CALB2: variants seen among roughly 807,000 people sequenced by gnomAD.
CALB2 encodes the protein calretinin.
In CALB2, 34 loss-of-function variants were observed where a neutral mutation model predicts 45.9. That is an observed-to-expected ratio of 0.74 (90% confidence interval 0.56 to 0.99). The LOEUF (loss-of-function observed/expected upper bound fraction) is 0.99, where lower values mean the gene tolerates loss of function less well. Ranked by LOEUF, CALB2 falls within the 50% of genes least tolerant of loss-of-function variation. CALB2 has a pLI of 0.00. For missense variants in CALB2, 344 were observed against 339.3 expected (o/e 1.01, Z -0.11); for synonymous variants, 142 against 129.6 (o/e 1.10, Z -0.65).
chr16:71,387,621 T>G (rs768574974), intron 10 of CALB2, among the ~76,000 whole-genome samples: 1 of 152,192 alleles, frequency 6.6e-6, no homozygotes, highest in Admixed American at 6.5e-5. Context: ...CCCAAGGCCA[T>G]GGCAACTCAC....
rs1309099542 is a variant in CALB2 at position 71,389,836 on chromosome 16, A to T, written c.787A>T (p.Ile263Phe). Reference protein sequence around the residue: ...AGKLYRKDLEIVLCSEPPM With the variant: ...AGKLYRKDLEFVLCSEPPM ...GAAGCTCTACCGCAAGGACCTGGAG[A>T]TTGTGCTCTGCAGCGAGCCCCCCAT... is the stretch of plus-strand genomic sequence containing the variant. Residue 263 changes from isoleucine (I) to phenylalanine (F), a missense_variant, in exon 11 of 11, where the codon ATT becomes TTT. Physicochemically the swap from Ile to Phe is conservative, Grantham distance 21. Coordinates refer to ENST00000302628, the MANE Select transcript of CALB2 (RefSeq NM_001740.5). 2 of 1,613,756 alleles carry T rather than the reference A, an allele frequency of 1.2e-6. No individual in the cohort carries two copies. The highest frequency in any genetic ancestry group is 4.5e-5 in the East Asian group (2 of 44,850).
intron 10 of CALB2, among the ~76,000 whole-genome samples, chr16:71,386,346 C>CA (rs1026065709): frequency 1.4e-4 from 21 of 152,100 alleles, no homozygotes; most frequent in African/African-American, 3.6e-4. Flanking sequence ...AATTGCCAAC[C>CA]AAAAAAACAC....
At chr16:71,361,168 C>T (rs1222259338) in intron 1 of CALB2, among the ~76,000 whole-genome samples, 1 of 152,198 alleles carries the variant, frequency 6.6e-6, no homozygotes, top group Non-Finnish European at 1.5e-5. Flanking sequence ...CCTTGTCCAT[C>T]AGACTTCCAC....
chr16:71,386,293 G>C (rs544024095), intron 10 of CALB2, among the ~76,000 whole-genome samples: 4 of 152,202 alleles, frequency 2.6e-5, no homozygotes, highest in Admixed American at 6.5e-5. Context: ...GGGGGATGCT[G>C]CTGTGAGGCC....
chr16:71,386,836 T>C (rs1044301631), intron 10 of CALB2, among the ~76,000 whole-genome samples: 4 of 152,236 alleles, frequency 2.6e-5, no homozygotes, highest in Non-Finnish European at 4.4e-5. Context: ...TCTGATCTCT[T>C]TATCTTAAAT....
At chr16:71,384,495 ACACACAAAACACAC>A in intron 8 of CALB2, 117 bp downstream of exon 8, 1 of 821,114 alleles carries the variant, frequency 1.2e-6, no homozygotes, top group Non-Finnish European at 2.1e-6. Context: ...CACACCACAC[ACACACAAAACACAC>A]CACACACACA....
At chr16:71,367,569 G>T (rs1369942411) in intron 1 of CALB2, among the ~76,000 whole-genome samples, 7 of 152,104 alleles carry the variant, frequency 4.6e-5, no homozygotes, top group Admixed American at 6.5e-5. Flanking sequence ...TCTGGGCCCT[G>T]CAGCGCCACC....
chr16:71,359,734 G>A (rs1043899935), intron 1 of CALB2, among the ~76,000 whole-genome samples: 3 of 152,182 alleles, frequency 2.0e-5, no homozygotes, highest in Admixed American at 2.0e-4. Flanking sequence ...CATAAAGGGT[G>A]GTCCTCCTTT....
intron 9 of CALB2, among the ~76,000 whole-genome samples, chr16:71,385,058 T>C (rs990917606): frequency 5.3e-5 from 8 of 152,064 alleles, no homozygotes; most frequent in African/African-American, 1.9e-4. Context: ...CCGAGAATCG[T>C]TGGGGGAGGA....
At chr16:71,383,908 A>C (rs1817666367) in intron 6 of CALB2, 62 bp from the exon 7 acceptor site, 1 of 1,574,312 alleles carries the variant, frequency 6.4e-7, no homozygotes, top group African/African-American at 1.4e-5. Context: ...CTCCAGTAAA[A>C]GGGGATGTCA....
rs2042621707 is a variant in CALB2 at position 71,390,192 on chromosome 16, G to A, written c.*327G>A. The stretch of plus-strand genomic sequence containing the variant: ...GATTTAGGCTTCTATGTCCAACAGA[G>A]TGGACTCTTCCCTCTCGCTCCCCTC... On this transcript the variant is annotated 3_prime_UTR_variant, in exon 11 of 11. Coordinates refer to ENST00000302628, the MANE Select transcript of CALB2 (RefSeq NM_001740.5). 1.3e-5 allele frequency: 3 copies of A among 232,630 alleles called. No individual in the cohort carries two copies. The East Asian group carries it at 2.6e-4, about 20-fold the overall frequency. 14.4% of individuals were successfully genotyped at this position (232,630 alleles called of 1,614,324 possible).
intron 1 of CALB2, among the ~76,000 whole-genome samples, chr16:71,364,342 C>G (rs2042261766): frequency 6.6e-6 from 1 of 152,208 alleles, no homozygotes; most frequent in African/African-American, 2.4e-5. Context: ...CCCCTCCAGA[C>G]TTCAGCAGCT....
chr16:71,362,766 C>G (rs1042132822), intron 1 of CALB2, among the ~76,000 whole-genome samples: 1 of 152,164 alleles, frequency 6.6e-6, no homozygotes, highest in Non-Finnish European at 1.5e-5. Context: ...GCGGCTCTCT[C>G]TGAAGAGTGG....
rs544960071 is a variant in CALB2, at chr16:71,367,575, C to T, written c.95-4578C>T. Among the ~76,000 whole-genome samples, 7 of 152,274 alleles carry T rather than the reference C, an allele frequency of 4.6e-5. No individual in the cohort carries two copies. In the South Asian group the frequency reaches 8.3e-4, roughly 18 times the overall value. On this transcript the variant is annotated intron_variant, in intron 1 of 10. Coordinates refer to ENST00000302628, the MANE Select transcript of CALB2 (RefSeq NM_001740.5). ...AGTGTCCCTTCTGGGCCCTGCAGCG[C>T]CACCTGCCGATCTCTCCTGTGTTCC...
In CALB2 at chr16:71,378,541, A is replaced by G. The variant is rs545548886; in HGVS notation, c.342+794A>G. ...GGCCACAGAGCAAGACCCTATCTCAAATTAAAAACAAAAACAAAAAAAAGG... is the reference window on the plus strand; with the variant it reads ...GGCCACAGAGCAAGACCCTATCTCAGATTAAAAACAAAAACAAAAAAAAGG... On this transcript the variant is annotated intron_variant, in intron 4 of 10. Transcript: ENST00000302628. 7.2e-5 allele frequency among the ~76,000 whole-genome samples: 11 copies of G among 152,282 alleles called. 1 individual carries two copies. The highest frequency in any genetic ancestry group is 5.9e-4 in the Admixed American group (9 of 15,302).
chr16:71,383,399 C>A lies in CALB2; in HGVS notation c.432C>A (p.Asn144Lys), dbSNP rs748416874. Reference protein sequence around the residue: ...GFLSDLLKKANRPYDEPKLQE... With the variant: ...GFLSDLLKKAKRPYDEPKLQE... The stretch of plus-strand genomic sequence containing the variant: ...TGTCAGACCTGCTGAAGAAGGCGAA[C>A]CGGCCGTACGATGAGCCCAAGCTCC... Residue 144 changes from asparagine (N) to lysine (K), a missense_variant, in exon 6 of 11, where the codon AAC (asparagine) becomes AAA (lysine). Around this residue, in one of 3 missense-constraint regions of CALB2, gnomAD observed 263 missense variants for 241.7 expected, o/e 1.09. Coordinates refer to ENST00000302628, the MANE Select transcript of CALB2 (RefSeq NM_001740.5). 5 of 1,614,042 alleles carry A rather than the reference C, an allele frequency of 3.1e-6. No individual in the cohort carries two copies. The highest frequency in any genetic ancestry group is 3.4e-6 in the Non-Finnish European group (4 of 1,180,026).
chr16:71,388,334 CA>C (rs71153632), intron 10 of CALB2, among the ~76,000 whole-genome samples: 26,729 of 102,862 alleles, frequency 0.26, 2,312 homozygotes, highest in Middle Eastern at 0.31. Context: ...GACCTTATCT[CA>C]AAAAAAAAAA....
intron 4 of CALB2, among the ~76,000 whole-genome samples, chr16:71,380,682 G>C (rs764008167): frequency 6.6e-6 from 1 of 151,980 alleles, no homozygotes; most frequent in Non-Finnish European, 1.5e-5. Flanking sequence ...TGCCCGCCAC[G>C]GTTTCTGGGA....
Position 71,386,808 on chromosome 16 carries a change from C to T in CALB2, c.699+1160C>T, listed in dbSNP as rs77736406. Among the ~76,000 whole-genome samples the T allele has an allele frequency of 6.5e-3, 995 of 152,318 alleles. 19 individuals carry two copies. Among genetic ancestry groups the T allele is most frequent in the African/African-American group, 0.023 (956 of 41,566 alleles). On this transcript the variant is annotated intron_variant, in intron 10 of 10. Transcript: ENST00000302628. ...AAAATTATCTGCAGTCTCTATTCATCTCCCTTTCCAAGTGCTTTCTGATCT... is the reference window on the plus strand; with the variant it reads ...AAAATTATCTGCAGTCTCTATTCATTTCCCTTTCCAAGTGCTTTCTGATCT...
Sources: allele counts gnomAD v4.1 joint callset (sites outside exome capture counted in the v4.1 genomes callset), GRCh38; gene constraint gnomAD v4.1.1; regional missense constraint gnomAD v4.1.1; transcripts MANE v1.5; gene names NCBI Gene and HGNC (gene_info 2026-07-23, HGNC 2026-07-21).